Variants in TMEM135 observed in about 807,000 individuals in gnomAD.
TMEM135 encodes the protein transmembrane protein 135.
Under a neutral mutation model 60.3 loss-of-function variants are expected in TMEM135, and 30 were observed. The observed-to-expected ratio is 0.50, with a 90% CI of 0.37 to 0.68. The LOEUF (loss-of-function observed/expected upper bound fraction) is 0.68. TMEM135 is among the 30% of genes least tolerant of loss of function. The pLI is 0.00. For missense variants in TMEM135, 468 were observed against 548.8 expected (o/e 0.85, Z 1.47); for synonymous variants, 190 against 186.7 (o/e 1.02, Z -0.14).
chr11:87,300,897 C>G (rs1388106729), intron 7 of TMEM135, among the ~76,000 whole-genome samples: 1 of 151,022 alleles, frequency 6.6e-6, no homozygotes, highest in Non-Finnish European at 1.5e-5. Context: ...AGGAAGTGAC[C>G]TCTAATCTGA....
chr11:87,078,792 C>CTT (rs35962056), intron 3 of TMEM135, among the ~76,000 whole-genome samples: 8 of 149,502 alleles, frequency 5.4e-5, no homozygotes, highest in East Asian at 4.0e-4. Context: ...TTTTGTATTT[C>CTT]TTTTTTTTTA....
intron 4 of TMEM135, among the ~76,000 whole-genome samples, chr11:87,149,982 C>T (rs1938513890): frequency 6.6e-6 from 1 of 152,014 alleles, no homozygotes; most frequent in South Asian, 2.1e-4. Flanking sequence ...TTTGGGAGGC[C>T]AAAGCGGGTG....
At chr11:87,159,617 A>ACACACACACCCCCC (rs140303858) in intron 5 of TMEM135, among the ~76,000 whole-genome samples, 8 of 149,458 alleles carry the variant, frequency 5.4e-5, no homozygotes, top group East Asian at 4.0e-4. Flanking sequence ...ACACACACAC[A>ACACACACACCCCCC]CCATAGATTT....
At chr11:87,300,416 T>C (rs1565162837) in intron 7 of TMEM135, among the ~76,000 whole-genome samples, 1 of 152,240 alleles carries the variant, frequency 6.6e-6, no homozygotes, top group South Asian at 2.1e-4. Context: ...TAGAAATATA[T>C]GTAGCTTAGT....
intron 4 of TMEM135, chr11:87,096,003 T>C: frequency 4.8e-6 from 1 of 206,912 alleles, no homozygotes; most frequent in Non-Finnish European, 1.0e-5. Context: ...CCGTTGGTAA[T>C]CTGCAATTTG....
intron 5 of TMEM135, among the ~76,000 whole-genome samples, chr11:87,181,568 T>C (rs1368904620): frequency 6.6e-6 from 1 of 152,178 alleles, no homozygotes; most frequent in Non-Finnish European, 1.5e-5. Flanking sequence ...GATCAGTGTT[T>C]GTCAGAGATT....
rs534532410 is a variant in TMEM135, at chr11:87,072,597, G to T, written c.362+982G>T. ...AAGGTTTCACCATGTTGGCCAGGCT[G>T]GTCTCAAACTCCTGACCTTGTGATC... On this transcript the variant is annotated intron_variant, in intron 3 of 14. Transcript: ENST00000305494. Among the ~76,000 whole-genome samples the T allele has an allele frequency of 3.3e-5, 5 of 152,152 alleles. No individual in the cohort carries two copies. The South Asian group carries it at 1.0e-3, about 32-fold the overall frequency.
At chr11:87,208,181 C>T (rs2135339630) in intron 5 of TMEM135, among the ~76,000 whole-genome samples, 1 of 152,298 alleles carries the variant, frequency 6.6e-6, no homozygotes, top group East Asian at 1.9e-4. Context: ...TGTCTTTTTA[C>T]CTCCAAACGA....
intron 6 of TMEM135, among the ~76,000 whole-genome samples, chr11:87,279,828 A>G (rs1307839965): frequency 6.6e-6 from 1 of 152,228 alleles, no homozygotes; most frequent in Admixed American, 6.5e-5. Flanking sequence ...AACAATATCT[A>G]GAACGACATT....
rs2135159967 is a variant in TMEM135, at chr11:87,084,958, T to G, written c.363-6404T>G. 2.0e-5 allele frequency among the ~76,000 whole-genome samples: 3 copies of G among 152,346 alleles called. 1 individual carries two copies. In the Middle Eastern group the frequency reaches 0.01, roughly 518 times the overall value. ...CTCTCCATCATTGTATTAGCCATGT[T>G]TTAATAGATAACTTGGTTTCCAAAG... On this transcript the variant is annotated intron_variant, in intron 3 of 14. Coordinates refer to ENST00000305494, the MANE Select transcript of TMEM135 (RefSeq NM_022918.4).
chr11:87,069,284 C>CAAA (rs778885228), intron 2 of TMEM135, among the ~76,000 whole-genome samples: 3,528 of 61,014 alleles, frequency 0.058, 174 homozygotes, highest in East Asian at 0.14. Context: ...GACTCCGTCT[C>CAAA]AAAAAAAAAA....
chr11:87,175,235 A>G (rs368620131), intron 5 of TMEM135, among the ~76,000 whole-genome samples: 3 of 152,216 alleles, frequency 2.0e-5, no homozygotes, highest in East Asian at 3.8e-4. Context: ...TTCATGCCAG[A>G]ATCACATCAT....
intron 7 of TMEM135, among the ~76,000 whole-genome samples, chr11:87,300,472 A>G (rs1429338688): frequency 6.6e-6 from 1 of 152,186 alleles, no homozygotes; most frequent in Non-Finnish European, 1.5e-5. Flanking sequence ...GGTTCAAATA[A>G]TTACTGATAA....
At chr11:87,230,989 G>GA (rs1429652681) in intron 5 of TMEM135, among the ~76,000 whole-genome samples, 1 of 151,962 alleles carries the variant, frequency 6.6e-6, no homozygotes, top group Non-Finnish European at 1.5e-5. Context: ...CAAAGTCTAT[G>GA]AAAAAATGGT....
At chr11:87,177,907 A>G (rs2135298648) in intron 5 of TMEM135, among the ~76,000 whole-genome samples, 1 of 152,278 alleles carries the variant, frequency 6.6e-6, no homozygotes, top group South Asian at 2.1e-4. Flanking sequence ...CACAGAGCTC[A>G]CTAAAAATGT....
intron 9 of TMEM135, among the ~76,000 whole-genome samples, chr11:87,306,470 C>CTT (rs144940378): frequency 2.7e-5 from 4 of 149,992 alleles, no homozygotes; most frequent in South Asian, 4.2e-4. Flanking sequence ...AAAACTATTA[C>CTT]TTTTTTTTTT....
intron 4 of TMEM135, among the ~76,000 whole-genome samples, chr11:87,138,422 T>C (rs1302688635): frequency 6.6e-6 from 1 of 152,218 alleles, no homozygotes. Context: ...GAAAAGCTAA[T>C]GAATTATTTT....
intron 5 of TMEM135, among the ~76,000 whole-genome samples, chr11:87,213,822 A>G (rs1394562062): frequency 6.6e-6 from 1 of 152,238 alleles, no homozygotes; most frequent in African/African-American, 2.4e-5. Flanking sequence ...ATTAGAACCT[A>G]GAACATACCT....
intron 4 of TMEM135, among the ~76,000 whole-genome samples, chr11:87,104,741 A>T (rs1857550338): frequency 6.6e-6 from 1 of 152,134 alleles, no homozygotes; most frequent in East Asian, 1.9e-4. Context: ...GTGTATAAAA[A>T]TATTACTGAT....
Sources: allele counts gnomAD v4.1 joint callset (sites outside exome capture counted in the v4.1 genomes callset), GRCh38; gene constraint gnomAD v4.1.1; transcripts MANE v1.5; gene names NCBI Gene and HGNC (gene_info 2026-07-23, HGNC 2026-07-21).